ESCO2: variants seen among roughly 807,000 people sequenced by gnomAD.
ESCO2 encodes the protein establishment of sister chromatid cohesion N-acetyltransferase 2, also known as N-acetyltransferase ESCO2.
In ESCO2, 51 loss-of-function variants were observed where a neutral mutation model predicts 61.7. That is an observed-to-expected ratio of 0.83 (90% confidence interval 0.66 to 1.04). The LOEUF (loss-of-function observed/expected upper bound fraction) is 1.04. Among genes scored for constraint, ESCO2 ranks in the 50% least tolerant of loss-of-function variants. The probability of loss-of-function intolerance (pLI) is 0.00; values close to 1 mark genes in which losing one functional copy is unlikely to be tolerated. For missense variants in ESCO2, 692 were observed against 686.2 expected (o/e 1.01, Z -0.09); for synonymous variants, 230 against 238.2 (o/e 0.97, Z 0.32).
At chr8:27,772,443 G>A (rs1804661488), upstream of ESCO2, 26 of 1,465,126 alleles carry the variant, frequency 1.8e-5, no homozygotes, top group Middle Eastern at 1.7e-4. Context: ...CAGGCGCAGC[G>A]GCGGACTGCG....
At chr8:27,814,771 TTG>T (rs1805778882), downstream of ESCO2, among the ~76,000 whole-genome samples, 1 of 152,186 alleles carries the variant, frequency 6.6e-6, no homozygotes, top group Admixed American at 6.5e-5. Flanking sequence ...TTATTTAAAT[TTG>T]TGTTACTGAA....
chr8:27,786,627 C>T (rs911423861), intron 5 of ESCO2, among the ~76,000 whole-genome samples: 2 of 152,168 alleles, frequency 1.3e-5, no homozygotes, highest in Non-Finnish European at 2.9e-5. Context: ...TCTCACACAG[C>T]AAGTATATTT....
At chr8:27,808,099 C>A, downstream of ESCO2, 1 of 361,756 alleles carries the variant, frequency 2.8e-6, no homozygotes, top group Non-Finnish European at 4.1e-6. Flanking sequence ...TTCCCAAATT[C>A]TTAGCTGATA....
the ESCO2 span, among the ~76,000 whole-genome samples, chr8:27,818,180 T>G: frequency 6.6e-6 from 1 of 152,298 alleles, no homozygotes. Flanking sequence ...AAGCCTTGGT[T>G]GTTGTAAGTC....
chr8:27,781,635 A>G (rs1804930617), intron 4 of ESCO2, among the ~76,000 whole-genome samples: 1 of 147,614 alleles, frequency 6.8e-6, no homozygotes, highest in African/African-American at 2.5e-5. Context: ...ATCTTGGCTC[A>G]CTGCAGCCTC....
downstream of ESCO2, chr8:27,810,846 G>A (rs1210404599): frequency 6.9e-6 from 5 of 726,210 alleles, no homozygotes; most frequent in African/African-American, 7.1e-5. Flanking sequence ...ATTAAACCTT[G>A]GTGGTACCAA....
downstream of ESCO2, chr8:27,811,133 C>T (rs767327170): frequency 6.2e-7 from 1 of 1,613,770 alleles, no homozygotes; most frequent in Non-Finnish European, 8.5e-7. Context: ...CAGGGTCAGT[C>T]ACTGAAACAA....
chr8:27,806,353 C>T (rs1175450749), downstream of ESCO2, among the ~76,000 whole-genome samples: 3 of 152,218 alleles, frequency 2.0e-5, no homozygotes, highest in South Asian at 4.1e-4. Flanking sequence ...TGTATTCTTA[C>T]TAATTTTATA....
chr8:27,799,733 A>T lies in ESCO2; in HGVS notation c.1673+17A>T, dbSNP rs1805383944. ...TACCCTCAGGTAAGAAATAAAATGGATCTAGATCCAGAACCTTAGATTCAT... is the reference window on the plus strand; with the variant it reads ...TACCCTCAGGTAAGAAATAAAATGGTTCTAGATCCAGAACCTTAGATTCAT... On this transcript the variant is annotated intron_variant, in intron 10 of 10. Coordinates refer to ENST00000305188, the MANE Select transcript of ESCO2 (RefSeq NM_001017420.3). 1 of 1,613,696 alleles carries T rather than the reference A, an allele frequency of 6.2e-7. No homozygotes were observed. Among genetic ancestry groups the T allele is most frequent in the Non-Finnish European group, 8.5e-7 (1 of 1,179,850 alleles).
At chr8:27,772,076 G>T, upstream of ESCO2, 1 of 190,430 alleles carries the variant, frequency 5.3e-6, no homozygotes, top group South Asian at 9.5e-5. Context: ...AGGGTAAGTC[G>T]CGCTTCCCTT....
chr8:27,781,520 T>C (rs1302694233), intron 4 of ESCO2, among the ~76,000 whole-genome samples: 1 of 151,926 alleles, frequency 6.6e-6, no homozygotes, highest in Non-Finnish European at 1.5e-5. Context: ...TCTTATGTTA[T>C]AATACTTTTG....
At chr8:27,785,439 T>G (rs937655705) in intron 5 of ESCO2, among the ~76,000 whole-genome samples, 1 of 152,192 alleles carries the variant, frequency 6.6e-6, no homozygotes, top group Non-Finnish European at 1.5e-5. Flanking sequence ...CAGTGGCTCA[T>G]GCCTGTAATC....
At chr8:27,813,020 C>T (rs1025542891), downstream of ESCO2, among the ~76,000 whole-genome samples, 5 of 152,134 alleles carry the variant, frequency 3.3e-5, no homozygotes, top group African/African-American at 7.2e-5. Context: ...CACATGTACA[C>T]GTTTATGTTT....
intron 6 of ESCO2, among the ~76,000 whole-genome samples, chr8:27,788,538 C>T (rs573510250): frequency 6.6e-6 from 1 of 151,548 alleles, no homozygotes; most frequent in Non-Finnish European, 1.5e-5. Context: ...TTTTCCCCCC[C>T]CAAAGAGATG....
Position 27,787,798 on chromosome 8 carries a change from G to T in ESCO2, c.1014-87G>T, listed in dbSNP as rs543097367. 3 of 995,336 alleles carry T rather than the reference G, an allele frequency of 3.0e-6. No individual in the cohort carries two copies. The South Asian group carries it at 4.0e-5, about 13-fold the overall frequency. The allele number at this position is 995,336 out of a possible 1,614,324, so 61.7% of individuals were successfully genotyped here. A position where few individuals can be genotyped will look rare whatever the true frequency, so the allele number is the denominator to read the frequency against. ...TGTCAGATAGAAAGCACTAAAAATT[G>T]CAAGGTACTCTGATAAATGGCTGCT... On this transcript the variant is annotated intron_variant, in intron 5 of 10. Transcript: ENST00000305188.
chr8:27,785,603 G>A (rs965321447), intron 5 of ESCO2, among the ~76,000 whole-genome samples: 1 of 150,034 alleles, frequency 6.7e-6, no homozygotes, highest in Non-Finnish European at 1.5e-5. Flanking sequence ...AGGAAGCTGA[G>A]ACAGGAGACT....
At chr8:27,812,694 T>C (rs1395731148), downstream of ESCO2, 1 of 150,924 alleles carries the variant, frequency 6.6e-6, no homozygotes, top group Admixed American at 6.6e-5. Flanking sequence ...AAGAAGACAT[T>C]TATGCAGCCA....
intron 9 of ESCO2, among the ~76,000 whole-genome samples, chr8:27,795,862 C>G (rs1328192195): frequency 6.6e-6 from 1 of 152,152 alleles, no homozygotes; most frequent in East Asian, 1.9e-4. Flanking sequence ...GTGTACTATG[C>G]TTTTAATGTG....
downstream of ESCO2, among the ~76,000 whole-genome samples, chr8:27,817,083 G>A (rs1158878311): frequency 6.6e-6 from 1 of 152,048 alleles, no homozygotes; most frequent in African/African-American, 2.4e-5. Context: ...GCATATGCCT[G>A]GTGTAGTAGC....
Sources: gnomAD v4.1 joint callset for allele counts (sites outside exome capture counted in the v4.1 genomes callset) on GRCh38, gnomAD v4.1.1 for gene constraint, MANE v1.5 for transcripts, NCBI Gene and HGNC (gene_info 2026-07-23, HGNC 2026-07-21) for gene names.